The following GOLGA2 variants were observed in gnomAD, a reference collection of about 807,000 sequenced individuals.
GOLGA2 encodes the protein golgin subfamily A member 2.
GOLGA2 carries 49 observed loss-of-function variants against 148.8 expected under a neutral mutation model. That is an observed-to-expected ratio of 0.33 (90% CI 0.26 to 0.42). GOLGA2 has a LOEUF of 0.42. Among genes scored for constraint, GOLGA2 ranks in the 10% least tolerant of loss-of-function variants. The pLI, the probability that GOLGA2 is intolerant of heterozygous loss-of-function variation, is 1.00. For missense variants in GOLGA2, 1,178 were observed against 1,304.6 expected, an observed-to-expected ratio of 0.90 and a Z score of 1.49; for synonymous variants, 501 against 511.8, an observed-to-expected ratio of 0.98 and a Z score of 0.28.
At chr9:128,273,354 C>T (rs1438329649) in intron 2 of GOLGA2, among the ~76,000 whole-genome samples, 1 of 152,174 alleles carries the variant, frequency 6.6e-6, no homozygotes, top group Non-Finnish European at 1.5e-5. Flanking sequence ...TCTGTGGTCA[C>T]GCAGCAAGCT....
At chr9:128,273,593 G>C (rs1831093939) in intron 2 of GOLGA2, 1 of 545,400 alleles carries the variant, frequency 1.8e-6, no homozygotes, top group Admixed American at 3.4e-5. Context: ...CTGTACTAGG[G>C]ATTAACATAA....
At position 128,261,803 on chromosome 9, in the gene GOLGA2, G is replaced by A. The variant is rs368638982; in HGVS notation, c.1135-46C>T. 2.0e-5 allele frequency: 25 copies of A among 1,227,162 alleles called. No individual in the cohort carries two copies. The highest frequency in any genetic ancestry group is 1.5e-4 in the African/African-American group (10 of 67,640). The allele number at this position is 1,227,162 out of a possible 1,614,324, so 76.0% of individuals were successfully genotyped here. On this transcript the variant is annotated intron_variant, in intron 14 of 26. Transcript: ENST00000611957. The surrounding 1 kb of genome is among the most constrained non-coding windows in gnomAD (Gnocchi z 5.7). ...AGTTTAGATCTGGGGAGCCCAGGCC[G>A]TTCCAAATAGTGCCCCTTAAAAGGG...
chr9:128,263,928 GGA>G (rs1830432960), intron 12 of GOLGA2, among the ~76,000 whole-genome samples: 1 of 150,010 alleles, frequency 6.7e-6, no homozygotes, highest in African/African-American at 2.4e-5. Flanking sequence ...AGGCCGAGGG[GGA>G]CGGATTACGA....
Position 128,261,309 on chromosome 9 carries a change from A to C in GOLGA2, c.1333-50T>G. On this transcript the variant is annotated intron_variant, in intron 16 of 26. Transcript: ENST00000611957. This position sits in a 1 kb window ranked among gnomAD's most constrained non-coding sequence, Gnocchi z 5.7. Reference sequence around the variant, plus strand: ...GCCCTGGAGAGGGGCTGGTGGCTGGACAGGCTACCATCTCCCTCTGCCCCC... The same window carrying C: ...GCCCTGGAGAGGGGCTGGTGGCTGGCCAGGCTACCATCTCCCTCTGCCCCC... 1 of 1,441,112 alleles carries C rather than the reference A, an allele frequency of 6.9e-7. No homozygotes were observed. Among genetic ancestry groups the C allele is most frequent in the Non-Finnish European group, 9.8e-7 (1 of 1,023,062 alleles). The allele number at this position is 1,441,112 out of a possible 1,614,324, so 89.3% of individuals were successfully genotyped here.
chr9:128,265,593 CCTT>C lies in GOLGA2; in HGVS notation c.922_924del (p.Lys308del), dbSNP rs1158333485. 4 of 1,611,584 alleles carry C rather than the reference CCTT, an allele frequency of 2.5e-6. No homozygotes were observed. Among genetic ancestry groups the C allele is most frequent in the African/African-American group, 1.3e-5 (1 of 74,894 alleles). On this transcript the variant is annotated inframe_deletion, in exon 12 of 27. Coordinates refer to ENST00000611957, the MANE Select transcript of GOLGA2 (RefSeq NM_001366244.2). ...CAGGCAGTTGGACTCACCCTGTCTG[CCTT>C]CTTCTGCTGCGTGGAGACAGCAGAG...
At position 128,257,959 on chromosome 9, in the gene GOLGA2, T is replaced by C. The variant is rs200207062; in HGVS notation, c.2508+21A>G. 1.5e-5 allele frequency: 12 copies of C among 778,440 alleles called. No individual in the cohort carries two copies. The Admixed American group carries it at 2.3e-4, about 15-fold the overall frequency. The allele number at this position is 778,440 out of a possible 1,614,324, so 48.2% of individuals were successfully genotyped here. A position where few individuals can be genotyped will look rare whatever the true frequency, so the allele number is the denominator to read the frequency against. ...CCCCGCCCCCACCCTTCTTGACCCA[T>C]GCCAGGAGAGACTCATTCACCTGCA... is the stretch of plus-strand genomic sequence containing the variant. On this transcript the variant is annotated intron_variant, in intron 23 of 26. Coordinates refer to ENST00000611957, the MANE Select transcript of GOLGA2 (RefSeq NM_001366244.2). This position sits in a 1 kb window ranked among gnomAD's most constrained non-coding sequence, Gnocchi z 8.0.
At position 128,261,538 on chromosome 9, in the gene GOLGA2, T is replaced by C. The variant is rs1374671380; in HGVS notation, c.1248A>G (p.Leu416=). The C allele has an allele frequency of 6.2e-7, 1 of 1,607,654 alleles. No homozygotes were observed. The highest frequency in any genetic ancestry group is 8.5e-7 in the Non-Finnish European group (1 of 1,174,044). The change falls in exon 16 of 27, where the codon CTA becomes CTG. Residue 416 remains leucine (L), a synonymous_variant. Transcript: ENST00000611957. This position sits in a 1 kb window ranked among gnomAD's most constrained non-coding sequence, Gnocchi z 5.7. ...LGQVMESVRQ[L]QMERDKYAEN... is the part of the protein sequence containing the mutation. Reference sequence around the variant, plus strand: ...CCGCATATTTATCTCTCTCCATTTGTAGTTGTCTAACCGACTCCATTACCT... The same window carrying C: ...CCGCATATTTATCTCTCTCCATTTGCAGTTGTCTAACCGACTCCATTACCT...
rs1830030986 is a variant in GOLGA2 at position 128,258,287 on chromosome 9, A to C, written c.2290-89T>G. ...AGAGCAGCCCTTCCCTTGGGGCCTC[A>C]GAGGGTGCACTTGTTGGTCCCAAGT... On this transcript the variant is annotated intron_variant, in intron 22 of 26. Transcript: ENST00000611957. This position sits in a 1 kb window ranked among gnomAD's most constrained non-coding sequence, Gnocchi z 6.6. 5 of 1,176,136 alleles carry C rather than the reference A, an allele frequency of 4.3e-6. No homozygotes were observed. The East Asian group carries it at 9.8e-5, about 23-fold the overall frequency. 72.9% of individuals were successfully genotyped at this position (1,176,136 alleles called of 1,614,324 possible).
At chr9:128,273,818 T>C in intron 2 of GOLGA2, 32 bp downstream of exon 2, 2 of 1,611,452 alleles carry the variant, frequency 1.2e-6, no homozygotes, top group Non-Finnish European at 1.7e-6. Flanking sequence ...TTGGGCCCCC[T>C]GTCCCCAGGA....
rs41276656 is a variant in GOLGA2 at position 128,258,956 on chromosome 9, C to T, written c.2173+51G>A. On this transcript the variant is annotated intron_variant, in intron 21 of 26. Coordinates refer to ENST00000611957, the MANE Select transcript of GOLGA2 (RefSeq NM_001366244.2). The surrounding 1 kb of genome is among the most constrained non-coding windows in gnomAD (Gnocchi z 6.6). Reference sequence around the variant, plus strand: ...TCCTCAATTCTACGCTGCTAACAGTCCCCCCTTCTTCCTGGGGCTCTCTCC... The same window carrying T: ...TCCTCAATTCTACGCTGCTAACAGTTCCCCCTTCTTCCTGGGGCTCTCTCC... 1,877 of 1,163,462 alleles carry T rather than the reference C, an allele frequency of 1.6e-3. 9 individuals carry two copies. Among genetic ancestry groups the T allele is most frequent in the Non-Finnish European group, 2.2e-3 (1,685 of 778,572 alleles). The allele number at this position is 1,163,462 out of a possible 1,614,324, so 72.1% of individuals were successfully genotyped here. A position where few individuals can be genotyped will look rare whatever the true frequency, so the allele number is the denominator to read the frequency against.
chr9:128,261,403 G>T lies in GOLGA2; in HGVS notation c.1332+51C>A. 1 of 1,270,106 alleles carries T rather than the reference G, an allele frequency of 7.9e-7. No individual in the cohort carries two copies. Among genetic ancestry groups the T allele is most frequent in the Non-Finnish European group, 1.2e-6 (1 of 866,182 alleles). 78.7% of individuals were successfully genotyped at this position (1,270,106 alleles called of 1,614,324 possible). On this transcript the variant is annotated intron_variant, in intron 16 of 26. Transcript: ENST00000611957. The surrounding 1 kb of genome is among the most constrained non-coding windows in gnomAD (Gnocchi z 5.7). Reference sequence around the variant, plus strand: ...CTCCCATTTCGCAGATGCCCAGAAAGATCAAGTGACCTATCTAAGGTTGAG... The same window carrying T: ...CTCCCATTTCGCAGATGCCCAGAAATATCAAGTGACCTATCTAAGGTTGAG...
chr9:128,268,467 C>T lies in GOLGA2; in HGVS notation c.346G>A (p.Gly116Ser), dbSNP rs749890750. 6.2e-6 allele frequency: 10 copies of T among 1,612,368 alleles called. No homozygotes were observed. In the South Asian group the frequency reaches 6.6e-5, roughly 11 times the overall value. Residue 116 changes from glycine to serine, a missense_variant, in exon 4 of 27, where the codon GGT (glycine) becomes AGT (serine). Transcript: ENST00000611957. ...QPSDDTVLPG[G>S]VPSPGASLTS... ...AGACTGGCACCAGGGGAAGGGACAC[C>T]GCCAGGTAACACGGTGTCATCAGAT...
intron 1 of GOLGA2, among the ~76,000 whole-genome samples, chr9:128,274,741 T>C (rs530377524): frequency 6.6e-6 from 1 of 152,358 alleles, no homozygotes; most frequent in South Asian, 2.1e-4. Flanking sequence ...AAGTCTGGTA[T>C]ACTCTTAGAA....
Position 128,258,667 on chromosome 9 carries a change from C to G in GOLGA2, c.2174-97G>C. ...TCACTGTGTAACCCTGGGCCAGCCC[C>G]TCCCCAGAGGGAAATAAGCATCTGT... On this transcript the variant is annotated intron_variant, in intron 21 of 26. Transcript: ENST00000611957. This position sits in a 1 kb window ranked among gnomAD's most constrained non-coding sequence, Gnocchi z 6.6. 2.4e-6 allele frequency: 2 copies of G among 835,014 alleles called. No individual in the cohort carries two copies. The highest frequency in any genetic ancestry group is 3.7e-6 in the Non-Finnish European group (2 of 534,100). 51.7% of individuals were successfully genotyped at this position (835,014 alleles called of 1,614,324 possible).
rs1564363726 is a variant in GOLGA2, at chr9:128,260,599, C to T, written c.1624G>A (p.Gly542Arg). 1 of 1,611,564 alleles carries T rather than the reference C, an allele frequency of 6.2e-7. No individual in the cohort carries two copies. Among genetic ancestry groups the T allele is most frequent in the African/African-American group, 1.3e-5 (1 of 75,044 alleles). Residue 542 changes from glycine (G) to arginine (R), a missense_variant, in exon 18 of 27, where the codon GGG becomes AGG. Transcript: ENST00000611957. This position sits in a 1 kb window ranked among gnomAD's most constrained non-coding sequence, Gnocchi z 4.8. ...TGCCTGCGCGCCTCCGCCTGCTCCC[C>T]CCAGAGCTCGGCCGCCCGCTCCAGC... ...LELERAAELW[G>R]EQAEARRQIL...
chr9:128,272,474 G>A (rs1328795602), intron 3 of GOLGA2, among the ~76,000 whole-genome samples: 2 of 149,960 alleles, frequency 1.3e-5, no homozygotes, highest in African/African-American at 2.5e-5. Context: ...GTGAGACTCC[G>A]TCTCTGAAAA....
In GOLGA2 at chr9:128,259,148, C is replaced by T. The variant is rs1830094438; in HGVS notation, c.2097+19G>A. ...CCAGGTTGTCCCCCTCGGGGCCCTG[C>T]CCTCACCAACTCCCTCACCTGGGTT... is the stretch of plus-strand genomic sequence containing the variant. On this transcript the variant is annotated intron_variant, in intron 20 of 26. Coordinates refer to ENST00000611957, the MANE Select transcript of GOLGA2 (RefSeq NM_001366244.2). 6.2e-7 allele frequency: 1 copy of T among 1,601,254 alleles called. No individual in the cohort carries two copies. The highest frequency in any genetic ancestry group is 1.3e-5 in the African/African-American group (1 of 74,744).
Position 128,275,913 on chromosome 9 carries a change from A to G in GOLGA2, c.64T>C (p.Leu22=). 1.9e-6 allele frequency: 3 copies of G among 1,582,570 alleles called. No individual in the cohort carries two copies. The highest frequency in any genetic ancestry group is 3.7e-5 in the Admixed American group (2 of 53,508). Residue 22 remains leucine, a synonymous_variant, in exon 1 of 27, where the codon TTG becomes CTG. Coordinates refer to ENST00000611957, the MANE Select transcript of GOLGA2 (RefSeq NM_001366244.2). ...AMSEETRQSK[L]AAAKKKLREY... ...TTTACCTTTTTCTTCGCTGCGGCCA[A>G]TTTGCTCTGTCGGGTTTCTTCCGAC... is the stretch of plus-strand genomic sequence containing the variant.
chr9:128,269,541 T>A (rs1830805756), intron 3 of GOLGA2, among the ~76,000 whole-genome samples: 1 of 152,132 alleles, frequency 6.6e-6, no homozygotes, highest in African/African-American at 2.4e-5. Flanking sequence ...GTGGAGCCTC[T>A]CCCTTGCCCC....
Sources: allele counts gnomAD v4.1 joint callset (sites outside exome capture counted in the v4.1 genomes callset), GRCh38; gene constraint gnomAD v4.1.1; non-coding constraint Gnocchi (gnomAD v3.1); transcripts MANE v1.5; gene names NCBI Gene and HGNC (gene_info 2026-07-23, HGNC 2026-07-21).